SNX9: variants seen among roughly 807,000 people sequenced by gnomAD.
SNX9 encodes the protein sorting nexin 9.
SNX9 carries 44 observed loss-of-function variants against 89.4 expected under a neutral mutation model. The ratio of observed to expected loss-of-function variants is 0.49; its 90% CI spans 0.39 to 0.63. The LOEUF is 0.63. SNX9 is among the 30% of genes least tolerant of loss of function. SNX9 has a pLI of 0.00. For synonymous variants in SNX9, 236 were observed against 247.8 expected (o/e 0.95, Z 0.45); for missense variants, 578 against 736.1 (o/e 0.79, Z 2.49).
chr6:157,877,136 T>C (rs1436148021), intron 4 of SNX9, among the ~76,000 whole-genome samples: 1 of 152,322 alleles, frequency 6.6e-6, no homozygotes, highest in East Asian at 1.9e-4. Context: ...GTTTAGCTAA[T>C]GAAAAGAAAT....
At chr6:157,914,970 T>A (rs73577616) in intron 9 of SNX9, among the ~76,000 whole-genome samples, 4,555 of 152,274 alleles carry the variant, frequency 0.03, 225 homozygotes, top group African/African-American at 0.1. Flanking sequence ...TTGTATAAGG[T>A]GTGCAGTGTG....
intron 1 of SNX9, among the ~76,000 whole-genome samples, chr6:157,825,156 G>C (rs1318168493): frequency 1.3e-5 from 2 of 152,346 alleles, no homozygotes; most frequent in Non-Finnish European, 2.9e-5. Context: ...GCTGAGGCAG[G>C]AGAATCGCTT....
chr6:157,853,086 G>C (rs963402776), intron 1 of SNX9, among the ~76,000 whole-genome samples: 4 of 151,410 alleles, frequency 2.6e-5, no homozygotes, highest in Non-Finnish European at 5.9e-5. Context: ...TTTCCATCTA[G>C]TATCATTTTC....
intron 12 of SNX9, 58 bp downstream of exon 12, chr6:157,928,760 A>G: frequency 1.5e-6 from 2 of 1,339,228 alleles, no homozygotes. Flanking sequence ...GCTCAGTTTT[A>G]TGTCCCTTAT....
In SNX9 at chr6:157,880,372, T is replaced by C. The variant is rs12196820; in HGVS notation, c.300+5196T>C. Among the ~76,000 whole-genome samples, 515 of 152,358 alleles carry C rather than the reference T, an allele frequency of 3.4e-3. 2 individuals are homozygous for C. Among genetic ancestry groups the C allele is most frequent in the Non-Finnish European group, 5.6e-3 (382 of 68,030 alleles). On this transcript the variant is annotated intron_variant, in intron 4 of 17. Coordinates refer to ENST00000392185, the MANE Select transcript of SNX9 (RefSeq NM_016224.5). ...ACTTACCCTTTTGTGTTCCAGCCTC[T>C]CTCACTATTCTACCCTCTCTAATCG...
Position 157,940,998 on chromosome 6 carries a change from T to C in SNX9, c.1740+24T>C, listed in dbSNP as rs751839516. On this transcript the variant is annotated intron_variant, in intron 17 of 17. Coordinates refer to ENST00000392185, the MANE Select transcript of SNX9 (RefSeq NM_016224.5). ...CGGTGAGTGGGCGTCCACGTGCCTT[T>C]CGCATGTGCTTGAGGAGAGGGTTCC... 4.4e-6 allele frequency: 7 copies of C among 1,598,788 alleles called. No individual in the cohort carries two copies. In the Admixed American group the frequency reaches 1.2e-4, roughly 27 times the overall value.
Position 157,937,454 on chromosome 6 carries a change from C to T in SNX9, c.1464C>T (p.Phe488=), listed in dbSNP as rs532553158. The change falls in exon 15 of 18, where the codon TTC becomes TTT. Residue 488 remains phenylalanine, a synonymous_variant. Coordinates refer to ENST00000392185, the MANE Select transcript of SNX9 (RefSeq NM_016224.5). ...TATAGCCAAAGAAAGATCTCCATTT[C>T]CTGATGGAATGTAATCACGAGTATA... ...VAEQPKKDLH[F]LMECNHEYKG... is the part of the protein sequence containing the mutation. 10 of 1,613,578 alleles carry T rather than the reference C, an allele frequency of 6.2e-6. No individual in the cohort carries two copies. In the South Asian group the frequency reaches 9.9e-5, roughly 16 times the overall value.
intron 9 of SNX9, among the ~76,000 whole-genome samples, chr6:157,915,623 T>TAAAAAAAAAAAAA (rs1172699831): frequency 2.1e-4 from 15 of 71,244 alleles, no homozygotes; most frequent in South Asian, 9.0e-4. Context: ...CCATCTCTAC[T>TAAAAAAAAAAAAA]AAAAAAAAAA....
At chr6:157,885,593 C>T (rs1299708850) in intron 4 of SNX9, among the ~76,000 whole-genome samples, 1 of 152,182 alleles carries the variant, frequency 6.6e-6, no homozygotes, top group Admixed American at 6.5e-5. Context: ...CTTCCTAACA[C>T]AGTTGCACGT....
chr6:157,890,438 T>C (rs575325734), intron 4 of SNX9, among the ~76,000 whole-genome samples: 3 of 152,228 alleles, frequency 2.0e-5, no homozygotes, highest in Non-Finnish European at 4.4e-5. Flanking sequence ...ATTTGCATTA[T>C]GAGGAGAGGA....
chr6:157,914,463 CTTTTTCTTTTT>C (rs1783417130), intron 9 of SNX9, among the ~76,000 whole-genome samples: 2 of 96,632 alleles, frequency 2.1e-5, no homozygotes, highest in Non-Finnish European at 3.9e-5. Flanking sequence ...TTGTCATTTT[CTTTTTCTTTTT>C]TTTTTTTTTT....
At chr6:157,902,147 G>T (rs1484651369) in intron 6 of SNX9, 102 bp downstream of exon 6, 1 of 1,052,426 alleles carries the variant, frequency 9.5e-7, no homozygotes, top group Non-Finnish European at 1.2e-6. Context: ...TCCCTTTCCA[G>T]TGATCTCCTA....
At position 157,945,003 on chromosome 6, in the gene SNX9, A is replaced by G. The variant is rs973086666; in HGVS notation, c.*2165A>G. The G allele has an allele frequency of 4.6e-5, 7 of 152,198 alleles. No individual in the cohort carries two copies. Among genetic ancestry groups the G allele is most frequent in the African/African-American group, 1.7e-4 (7 of 41,462 alleles). 9.4% of individuals were successfully genotyped at this position (152,198 alleles called of 1,614,324 possible). A position where few individuals can be genotyped will look rare whatever the true frequency, so the allele number is the denominator to read the frequency against. ...AGATACGTTGATGTTTTGATTTTTA[A>G]TGATTTGTATCAACCTGTAGGTACC... On this transcript the variant is annotated 3_prime_UTR_variant, in exon 18 of 18. Coordinates refer to ENST00000392185, the MANE Select transcript of SNX9 (RefSeq NM_016224.5).
In SNX9 at chr6:157,858,250, C is replaced by CT. The variant is rs141525968; in HGVS notation, c.13-9284dup. 7.4e-3 allele frequency among the ~76,000 whole-genome samples: 1,067 copies of CT among 143,854 alleles called. 7 individuals are homozygous for CT. Among genetic ancestry groups the CT allele is most frequent in the Non-Finnish European group, 9.0e-3 (588 of 65,368 alleles). The allele number at this position is 143,854 out of a possible 152,430, so 94.4% of individuals were successfully genotyped here. A position where few individuals can be genotyped will look rare whatever the true frequency, so the allele number is the denominator to read the frequency against. On this transcript the variant is annotated intron_variant, in intron 1 of 17. Coordinates refer to ENST00000392185, the MANE Select transcript of SNX9 (RefSeq NM_016224.5). ...GGAGTCTTTTTTCTTTTTCTTTTTT[C>CT]TTTTTTTTTTTTTGAGATGGAGTTT...
chr6:157,841,781 C>A (rs1418102154), intron 1 of SNX9, among the ~76,000 whole-genome samples: 2 of 152,202 alleles, frequency 1.3e-5, no homozygotes, highest in Non-Finnish European at 1.5e-5. Flanking sequence ...GCTGAGGCAA[C>A]ATAAAATGAT....
chr6:157,829,047 C>T (rs923071225), intron 1 of SNX9: 1 of 152,100 alleles, frequency 6.6e-6, no homozygotes, highest in African/African-American at 2.4e-5. Context: ...TATTAATCCC[C>T]AGCTGTAAGC....
intron 10 of SNX9, among the ~76,000 whole-genome samples, chr6:157,923,586 T>A (rs970325762): frequency 1.3e-5 from 2 of 152,182 alleles, no homozygotes; most frequent in African/African-American, 4.8e-5. Flanking sequence ...CTGCGTCTCA[T>A]GGACTGGAAA....
chr6:157,840,717 CCTT>C (rs758627481), intron 1 of SNX9, among the ~76,000 whole-genome samples: 5 of 152,250 alleles, frequency 3.3e-5, no homozygotes, highest in Non-Finnish European at 2.9e-5. Flanking sequence ...GACACAGTAT[CCTT>C]CTCTATATGA....
intron 2 of SNX9, among the ~76,000 whole-genome samples, chr6:157,870,375 G>C (rs900607198): frequency 6.6e-6 from 1 of 150,518 alleles, no homozygotes. Flanking sequence ...GCACTCACCC[G>C]TGTGAGTGCA....
Sources: allele counts gnomAD v4.1 joint callset (sites outside exome capture counted in the v4.1 genomes callset), GRCh38; gene constraint gnomAD v4.1.1; transcripts MANE v1.5; gene names NCBI Gene and HGNC (gene_info 2026-07-23, HGNC 2026-07-21).